The following TMEM163 variants were observed in gnomAD, a reference collection of about 807,000 sequenced individuals.
TMEM163 encodes the protein transmembrane protein 163.
A neutral mutation model predicts 29.3 loss-of-function variants in TMEM163; 17 were observed. That is an observed-to-expected ratio of 0.58 (90% CI 0.40 to 0.87). The LOEUF is 0.87. Among genes scored for constraint, TMEM163 ranks in the 40% least tolerant of loss-of-function variants. TMEM163 has a pLI of 0.00. For synonymous variants in TMEM163, 157 were observed against 160.6 expected (o/e 0.98, Z 0.17); for missense variants, 303 against 381.5 (o/e 0.79, Z 1.71).
chr2:134,461,953 C>T (rs755285317), intron 6 of TMEM163, among the ~76,000 whole-genome samples: 5 of 152,216 alleles, frequency 3.3e-5, no homozygotes, highest in Non-Finnish European at 5.9e-5. Flanking sequence ...GAGGAAAGAA[C>T]AGAGAAGATA....
chr2:134,512,673 T>G lies in TMEM163; in HGVS notation c.459-9676A>C, dbSNP rs112121984. ...CCATGCAGGTATAGGGAGAAGCAGC[T>G]TCAGGCGCTGAGATGGAACCCTCTT... On this transcript the variant is annotated intron_variant, in intron 4 of 7. Coordinates refer to ENST00000281924, the MANE Select transcript of TMEM163 (RefSeq NM_030923.5). 5.5e-4 allele frequency among the ~76,000 whole-genome samples: 84 copies of G among 152,300 alleles called. 1 individual carries two copies. Among genetic ancestry groups the G allele is most frequent in the African/African-American group, 1.9e-3 (79 of 41,556 alleles).
intron 5 of TMEM163, among the ~76,000 whole-genome samples, chr2:134,478,108 C>T (rs1345967085): frequency 2.6e-5 from 4 of 152,322 alleles, no homozygotes; most frequent in African/African-American, 9.6e-5. Flanking sequence ...GATTCCTTGG[C>T]TTTGCCCTTT....
intron 2 of TMEM163, among the ~76,000 whole-genome samples, chr2:134,706,571 T>C (rs1399595960): frequency 1.3e-5 from 2 of 152,206 alleles, no homozygotes; most frequent in Admixed American, 1.3e-4. Context: ...CCTGGAAGGC[T>C]TCCCAGAAAA....
At chr2:134,699,594 T>A (rs1239885072) in intron 2 of TMEM163, among the ~76,000 whole-genome samples, 1 of 152,190 alleles carries the variant, frequency 6.6e-6, no homozygotes, top group South Asian at 2.1e-4. Context: ...CACATATGCA[T>A]TCCCTGTTAT....
intron 4 of TMEM163, among the ~76,000 whole-genome samples, chr2:134,503,783 TGTGGCATGGGGA>T (rs1414909771): frequency 1.3e-5 from 2 of 151,476 alleles, no homozygotes; most frequent in African/African-American, 4.9e-5. Flanking sequence ...CAGCTGGGGG[TGTGGCATGGGGA>T]CTGGCAAAGA....
chr2:134,593,800 A>G (rs1681994669), intron 2 of TMEM163, among the ~76,000 whole-genome samples: 2 of 146,844 alleles, frequency 1.4e-5, no homozygotes, highest in African/African-American at 5.2e-5. Flanking sequence ...TACGACACTG[A>G]CTCTGGGAAT....
chr2:134,601,787 G>A (rs993025981), intron 2 of TMEM163, among the ~76,000 whole-genome samples: 1 of 152,070 alleles, frequency 6.6e-6, no homozygotes, highest in Admixed American at 6.6e-5. Context: ...ATAAACATAT[G>A]GTACATCCAA....
At chr2:134,704,665 T>C (rs1009925337) in intron 2 of TMEM163, among the ~76,000 whole-genome samples, 4 of 151,868 alleles carry the variant, frequency 2.6e-5, no homozygotes, top group African/African-American at 9.7e-5. Context: ...CAAACACAAA[T>C]GTACATGAGG....
chr2:134,630,276 G>A (rs1038480965), intron 2 of TMEM163, among the ~76,000 whole-genome samples: 3 of 151,096 alleles, frequency 2.0e-5, no homozygotes, highest in African/African-American at 7.3e-5. Flanking sequence ...CTAGGACAGG[G>A]TAGGTTTCTC....
intron 2 of TMEM163, among the ~76,000 whole-genome samples, chr2:134,578,464 C>T (rs1250408011): frequency 6.6e-6 from 1 of 152,200 alleles, no homozygotes; most frequent in Non-Finnish European, 1.5e-5. Flanking sequence ...GTATTTGCAG[C>T]TTGTCATGCC....
intron 2 of TMEM163, among the ~76,000 whole-genome samples, chr2:134,666,183 T>G (rs1416769160): frequency 6.6e-6 from 1 of 152,012 alleles, no homozygotes; most frequent in Non-Finnish European, 1.5e-5. Flanking sequence ...CACCACCACC[T>G]TCCACCATGG....
Position 134,626,094 on chromosome 2 carries a change from CTTTTTTTTTTTTTTT to C in TMEM163, c.323-74018_323-74004del, listed in dbSNP as rs146008537. Among the ~76,000 whole-genome samples the C allele has an allele frequency of 6.0e-5, 4 of 66,256 alleles. No individual in the cohort carries two copies. The Admixed American group carries it at 6.4e-4, about 11-fold the overall frequency. The allele number at this position is 66,256 out of a possible 152,430, so 43.5% of individuals were successfully genotyped here. On this transcript the variant is annotated intron_variant, in intron 2 of 7. Transcript: ENST00000281924. ...GAATCTGTTTCCTCTACTTTTCCAG[CTTTTTTTTTTTTTTT>C]TTTTTTTTTTTTTGACACAGAGTCT... is the stretch of plus-strand genomic sequence containing the variant.
At chr2:134,553,141 C>G (rs748852372) in intron 2 of TMEM163, among the ~76,000 whole-genome samples, 1 of 152,182 alleles carries the variant, frequency 6.6e-6, no homozygotes, top group Non-Finnish European at 1.5e-5. Context: ...AAGCCCTACA[C>G]TAAGAGTCAG....
At chr2:134,483,620 G>C (rs1028799689) in intron 5 of TMEM163, among the ~76,000 whole-genome samples, 3 of 152,096 alleles carry the variant, frequency 2.0e-5, no homozygotes, top group Non-Finnish European at 4.4e-5. Context: ...TGGAAATTCT[G>C]ACCCTAAAAA....
rs115693512 is a variant in TMEM163 at position 134,584,737 on chromosome 2, T to C, written c.323-32646A>G. On this transcript the variant is annotated intron_variant, in intron 2 of 7. Transcript: ENST00000281924. ...GTGGCCAGAGAGTCTGGGTGGCAAC[T>C]TTTACCGGATTCAGACACAAATGTT... Among the ~76,000 whole-genome samples the C allele has an allele frequency of 5.2e-3, 783 of 152,028 alleles. 9 individuals are homozygous for C. The highest frequency in any genetic ancestry group is 0.018 in the African/African-American group (731 of 41,424).
intron 2 of TMEM163, among the ~76,000 whole-genome samples, chr2:134,658,911 T>A (rs1683683212): frequency 6.6e-6 from 1 of 152,210 alleles, no homozygotes. Flanking sequence ...ACATAATTTT[T>A]TATGAAGCAT....
chr2:134,496,627 C>T lies in TMEM163; in HGVS notation c.555+6274G>A, dbSNP rs530226904. Among the ~76,000 whole-genome samples the T allele has an allele frequency of 1.7e-4, 26 of 152,260 alleles. 1 individual carries two copies. Among genetic ancestry groups the T allele is most frequent in the Middle Eastern group, 3.4e-3 (1 of 292 alleles). ...CAGGGAAATGAACAACTGAGAGGGGCTCCCTTTTATCACTGGAGGGAAGCT... is the reference window on the plus strand; with the variant it reads ...CAGGGAAATGAACAACTGAGAGGGGTTCCCTTTTATCACTGGAGGGAAGCT... On this transcript the variant is annotated intron_variant, in intron 5 of 7. Coordinates refer to ENST00000281924, the MANE Select transcript of TMEM163 (RefSeq NM_030923.5).
intron 2 of TMEM163, among the ~76,000 whole-genome samples, chr2:134,616,037 G>T (rs1682602871): frequency 1.3e-5 from 2 of 152,192 alleles, no homozygotes; most frequent in African/African-American, 4.8e-5. Context: ...TGTAAAAAGA[G>T]ATGAGACGTG....
At chr2:134,629,107 T>C (rs1379726914) in intron 2 of TMEM163, among the ~76,000 whole-genome samples, 1 of 152,218 alleles carries the variant, frequency 6.6e-6, no homozygotes, top group African/African-American at 2.4e-5. Context: ...ATGTATTACC[T>C]CATTTGATCC....
Sources: gnomAD v4.1 joint callset for allele counts (sites outside exome capture counted in the v4.1 genomes callset) on GRCh38, gnomAD v4.1.1 for gene constraint, MANE v1.5 for transcripts, NCBI Gene and HGNC (gene_info 2026-07-23, HGNC 2026-07-21) for gene names.